Variants in GLRB observed in about 807,000 individuals in gnomAD.
GLRB encodes the protein glycine receptor beta.
In GLRB, 33 loss-of-function variants were observed where a neutral mutation model predicts 54.2. The ratio of observed to expected loss-of-function variants is 0.61; its 90% confidence interval spans 0.46 to 0.81. The LOEUF is 0.81. Among genes scored for constraint, GLRB ranks in the 40% least tolerant of loss-of-function variants. The pLI is 0.00. For missense variants in GLRB, 572 were observed against 584.6 expected (o/e 0.98, Z 0.22); for synonymous variants, 209 against 208.2 (o/e 1.00, Z -0.03).
intron 7 of GLRB, among the ~76,000 whole-genome samples, chr4:157,140,987 A>G (rs1736588977): frequency 6.6e-6 from 1 of 151,640 alleles, no homozygotes; most frequent in Admixed American, 6.6e-5. Context: ...CCATTTGGGG[A>G]CTCAGTAGTG....
chr4:157,170,116 T>C (rs1560982049), intron 9 of GLRB, among the ~76,000 whole-genome samples: 1 of 152,128 alleles, frequency 6.6e-6, no homozygotes, highest in Non-Finnish European at 1.5e-5. Flanking sequence ...TGGATGTTTA[T>C]TTATTAGTCC....
intron 2 of GLRB, among the ~76,000 whole-genome samples, chr4:157,101,543 G>A (rs902053043): frequency 1.3e-5 from 2 of 152,034 alleles, no homozygotes; most frequent in African/African-American, 4.8e-5. Flanking sequence ...CAATGAGAAA[G>A]TTCTCCTTTG....
intron 4 of GLRB, among the ~76,000 whole-genome samples, chr4:157,125,085 A>G (rs180983990): frequency 6.6e-6 from 1 of 151,942 alleles, no homozygotes; most frequent in African/African-American, 2.4e-5. Flanking sequence ...AAATTCATCT[A>G]GACAACACTT....
chr4:157,106,033 T>C (rs2126494249), intron 2 of GLRB, among the ~76,000 whole-genome samples: 1 of 152,238 alleles, frequency 6.6e-6, no homozygotes, highest in Admixed American at 6.5e-5. Flanking sequence ...CATCCTTTCA[T>C]TTTAAGTTGA....
intron 4 of GLRB, among the ~76,000 whole-genome samples, chr4:157,129,926 T>C (rs1736150902): frequency 1.3e-5 from 2 of 151,660 alleles, no homozygotes; most frequent in Admixed American, 1.3e-4. Flanking sequence ...CCAAACATGT[T>C]ACACTATATG....
At chr4:157,092,173 A>T (rs1191644867) in intron 2 of GLRB, among the ~76,000 whole-genome samples, 1 of 152,202 alleles carries the variant, frequency 6.6e-6, no homozygotes, top group African/African-American at 2.4e-5. Flanking sequence ...AGGGTAATTG[A>T]GATAAAAGTT....
chr4:157,123,260 A>T (rs1735899452), intron 4 of GLRB, among the ~76,000 whole-genome samples: 1 of 151,730 alleles, frequency 6.6e-6, no homozygotes, highest in African/African-American at 2.4e-5. Context: ...TAAGATTTTG[A>T]TTGCAAGCCT....
chr4:157,084,695 T>C (rs913225308), intron 2 of GLRB: 8 of 456,132 alleles, frequency 1.8e-5, no homozygotes, highest in African/African-American at 1.6e-4. Context: ...GACAGCATTT[T>C]CATACTTCAG....
At chr4:157,130,527 G>C (rs553662947) in intron 4 of GLRB, among the ~76,000 whole-genome samples, 6 of 151,378 alleles carry the variant, frequency 4.0e-5, no homozygotes, top group African/African-American at 1.5e-4. Flanking sequence ...ATATTTTTTT[G>C]GTAATGTTTT....
At chr4:157,080,376 A>G (rs563774122) in intron 2 of GLRB, among the ~76,000 whole-genome samples, 1 of 152,182 alleles carries the variant, frequency 6.6e-6, no homozygotes, top group Non-Finnish European at 1.5e-5. Flanking sequence ...CTTTATTAAC[A>G]GTTGTGATGT....
intron 9 of GLRB, among the ~76,000 whole-genome samples, chr4:157,167,038 A>T (rs983839510): frequency 6.6e-6 from 1 of 152,144 alleles, no homozygotes; most frequent in African/African-American, 2.4e-5. Flanking sequence ...TGATATAAAA[A>T]TATGATTTAT....
intron 9 of GLRB, among the ~76,000 whole-genome samples, chr4:157,153,961 C>A (rs1474471389): frequency 1.3e-5 from 2 of 152,166 alleles, no homozygotes; most frequent in African/African-American, 4.8e-5. Context: ...GATGCAGAAG[C>A]AAAGGAACCA....
chr4:157,141,999 T>G (rs1297975254), intron 7 of GLRB, among the ~76,000 whole-genome samples: 2 of 152,124 alleles, frequency 1.3e-5, no homozygotes, highest in African/African-American at 4.8e-5. Context: ...TATAATTTGT[T>G]GAGAAACATT....
intron 9 of GLRB, among the ~76,000 whole-genome samples, chr4:157,159,702 A>G (rs1434153882): frequency 6.6e-6 from 1 of 152,166 alleles, no homozygotes; most frequent in African/African-American, 2.4e-5. Context: ...CATGGTGGAT[A>G]ACCTTTTTGA....
chr4:157,096,118 G>A (rs901870917), intron 2 of GLRB, among the ~76,000 whole-genome samples: 4 of 152,122 alleles, frequency 2.6e-5, no homozygotes, highest in Non-Finnish European at 4.4e-5. Context: ...GGGATTTTGA[G>A]AAAACCACAA....
intron 4 of GLRB, among the ~76,000 whole-genome samples, chr4:157,127,948 G>A (rs1419958722): frequency 1.3e-5 from 2 of 151,892 alleles, no homozygotes; most frequent in East Asian, 3.9e-4. Flanking sequence ...GTGGCAATTG[G>A]AAACTAGTAC....
chr4:157,148,068 G>C (rs1736883459), intron 8 of GLRB, among the ~76,000 whole-genome samples: 1 of 152,126 alleles, frequency 6.6e-6, no homozygotes, highest in African/African-American at 2.4e-5. Flanking sequence ...GGAGGTAGAT[G>C]GGTAGATATT....
At chr4:157,170,207 A>G (rs1040204425) in intron 9 of GLRB, among the ~76,000 whole-genome samples, 1 of 152,064 alleles carries the variant, frequency 6.6e-6, no homozygotes, top group Non-Finnish European at 1.5e-5. Flanking sequence ...TAACCAATCA[A>G]AAGTTCATTC....
intron 3 of GLRB, 27 bp downstream of exon 3, chr4:157,120,689 T>A (rs754099946): frequency 9.6e-7 from 1 of 1,039,968 alleles, no homozygotes; most frequent in Non-Finnish European, 1.5e-6. Flanking sequence ...TAAATGTTCA[T>A]TTTTATTGTT....
Sources: gnomAD v4.1 joint callset for allele counts (sites outside exome capture counted in the v4.1 genomes callset) on GRCh38, gnomAD v4.1.1 for gene constraint, MANE v1.5 for transcripts, NCBI Gene and HGNC (gene_info 2026-07-23, HGNC 2026-07-21) for gene names.